TAFA5: variants seen among roughly 807,000 people sequenced by gnomAD.
The protein encoded by TAFA5 is chemokine-like protein TAFA-5.
Under a neutral mutation model 15.3 loss-of-function variants are expected in TAFA5, and 6 were observed. The observed-to-expected ratio is 0.39, with a 90% CI of 0.21 to 0.77. The LOEUF (loss-of-function observed/expected upper bound fraction) is 0.77, where lower values mean the gene tolerates loss of function less well. TAFA5 is among the 30% of genes least tolerant of loss of function. TAFA5 has a pLI of 0.41. For synonymous variants in TAFA5, 103 were observed against 80.7 expected (o/e 1.28, Z -1.48); for missense variants, 161 against 193.1 (o/e 0.83, Z 0.98).
Position 48,708,058 on chromosome 22 carries a change from G to A in TAFA5, c.390+214G>A, listed in dbSNP as rs560856534. 5.9e-5 allele frequency among the ~76,000 whole-genome samples: 9 copies of A among 152,182 alleles called. No individual in the cohort carries two copies. In the South Asian group the frequency reaches 1.7e-3, roughly 28 times the overall value. ...GCAGACGGTCTGTGAGTACATGGGG[G>A]CTGAGAGCTGGATGCAGAACCAGCT... is the stretch of plus-strand genomic sequence containing the variant. On this transcript the variant is annotated intron_variant, in intron 3 of 3. Coordinates refer to ENST00000402357, the MANE Select transcript of TAFA5 (RefSeq NM_001082967.3).
intron 2 of TAFA5, among the ~76,000 whole-genome samples, chr22:48,647,739 A>G (rs1168320644): frequency 1.3e-5 from 2 of 151,950 alleles, no homozygotes; most frequent in Non-Finnish European, 2.9e-5. Context: ...GCCATGTGCC[A>G]GTCCAGGCAG....
At chr22:48,672,030 G>T (rs1247269154) in intron 2 of TAFA5, among the ~76,000 whole-genome samples, 1 of 152,182 alleles carries the variant, frequency 6.6e-6, no homozygotes. Flanking sequence ...AAGGGTGTTT[G>T]TAACACTGCT....
chr22:48,509,796 A>G (rs1421553810), intron 1 of TAFA5, among the ~76,000 whole-genome samples: 1 of 152,076 alleles, frequency 6.6e-6, no homozygotes, highest in East Asian at 1.9e-4. Context: ...CTAAAAGTAC[A>G]AAAAATTAGC....
chr22:48,582,747 A>G (rs565232423), intron 1 of TAFA5, among the ~76,000 whole-genome samples: 1 of 149,942 alleles, frequency 6.7e-6, no homozygotes, highest in African/African-American at 2.5e-5. Context: ...CACACAAAAT[A>G]CAGTACACAC....
chr22:48,617,306 C>T (rs78535806), intron 1 of TAFA5, among the ~76,000 whole-genome samples: 4,216 of 150,928 alleles, frequency 0.028, 88 homozygotes, highest in South Asian at 0.11. Context: ...AGGGGTGTGG[C>T]GGCCTCTGGA....
chr22:48,493,612 A>G (rs1928228370), intron 1 of TAFA5, among the ~76,000 whole-genome samples: 1 of 152,206 alleles, frequency 6.6e-6, no homozygotes, highest in South Asian at 2.1e-4. Flanking sequence ...CTTTTTTTGA[A>G]AAAATTCTCA....
At chr22:48,607,542 G>C (rs1317001185) in intron 1 of TAFA5, among the ~76,000 whole-genome samples, 1 of 133,900 alleles carries the variant, frequency 7.5e-6, no homozygotes, top group African/African-American at 3.0e-5. Flanking sequence ...GTCTGTCCTG[G>C]GTTCTGATTA....
At chr22:48,548,002 G>T (rs1460357292) in intron 1 of TAFA5, among the ~76,000 whole-genome samples, 2 of 152,204 alleles carry the variant, frequency 1.3e-5, no homozygotes, top group Non-Finnish European at 2.9e-5. Context: ...GCCCTGTTGT[G>T]TGATGTGTTC....
chr22:48,578,857 A>AG (rs760913743), intron 1 of TAFA5, among the ~76,000 whole-genome samples: 54 of 150,394 alleles, frequency 3.6e-4, no homozygotes, highest in East Asian at 6.0e-4. Flanking sequence ...TGAGAGGTGC[A>AG]GGGAGGGGGG....
intron 1 of TAFA5, among the ~76,000 whole-genome samples, chr22:48,633,312 G>A (rs1292956049): frequency 2.0e-5 from 3 of 152,254 alleles, no homozygotes; most frequent in Non-Finnish European, 4.4e-5. Context: ...AGACTGGGCA[G>A]GTGGTCGTTG....
intron 1 of TAFA5, among the ~76,000 whole-genome samples, chr22:48,548,158 C>T (rs946763164): frequency 9.2e-5 from 14 of 152,326 alleles, no homozygotes; most frequent in African/African-American, 2.6e-4. Context: ...GATCTGGCCC[C>T]GTGGGGCTTT....
Position 48,530,161 on chromosome 22 carries a change from C to T in TAFA5, c.112+40457C>T, listed in dbSNP as rs1223924104. ...CACCTGCTCTGTCTCCATGGCGACT[C>T]GAGGAGGAGGAGGCTGGGCCTGCAT... is the stretch of plus-strand genomic sequence containing the variant. On this transcript the variant is annotated intron_variant, in intron 1 of 3. Transcript: ENST00000402357. The surrounding 1 kb of genome is among the most constrained non-coding windows in gnomAD (Gnocchi z 6.0). 6.6e-6 allele frequency among the ~76,000 whole-genome samples: 1 copy of T among 152,084 alleles called. No homozygotes were observed. The highest frequency in any genetic ancestry group is 2.4e-5 in the African/African-American group (1 of 41,400).
intron 1 of TAFA5, among the ~76,000 whole-genome samples, chr22:48,574,354 G>A (rs1034799914): frequency 3.3e-5 from 5 of 152,166 alleles, no homozygotes; most frequent in Admixed American, 6.5e-5. Flanking sequence ...TCCCCTGGCC[G>A]GCTGCTGGGC....
At chr22:48,542,792 G>A (rs1922505246) in intron 1 of TAFA5, among the ~76,000 whole-genome samples, 1 of 147,834 alleles carries the variant, frequency 6.8e-6, no homozygotes, top group Admixed American at 6.7e-5. Flanking sequence ...TGTCATGTGT[G>A]GTGTACAGTG....
intron 3 of TAFA5, among the ~76,000 whole-genome samples, chr22:48,710,023 A>T (rs1251110145): frequency 6.6e-6 from 1 of 152,240 alleles, no homozygotes; most frequent in Non-Finnish European, 1.5e-5. Context: ...GGGCACACTC[A>T]CAGTGCTGTG....
chr22:48,707,670 G>C, intron 2 of TAFA5, 47 bp from the exon 3 acceptor site: 3 of 1,599,800 alleles, frequency 1.9e-6, no homozygotes, highest in Non-Finnish European at 2.6e-6. Flanking sequence ...ACACCCTCAC[G>C]ATCCATGAGA....
chr22:48,702,541 TGTGCCCTTTACGCCCC>T (rs367636667), intron 2 of TAFA5, among the ~76,000 whole-genome samples: 2,082 of 152,006 alleles, frequency 0.014, 68 homozygotes, highest in African/African-American at 0.047. Context: ...CATGAGACCC[TGTGCCCTTTACGCCCC>T]GTGCCCTTTA....
At chr22:48,568,551 G>T (rs1923480385) in intron 1 of TAFA5, among the ~76,000 whole-genome samples, 1 of 152,250 alleles carries the variant, frequency 6.6e-6, no homozygotes, top group Non-Finnish European at 1.5e-5. Context: ...ACAAGATATG[G>T]CCTCTTCCAC....
chr22:48,679,629 G>T (rs1459602606), intron 2 of TAFA5, among the ~76,000 whole-genome samples: 1 of 64,702 alleles, frequency 1.5e-5, no homozygotes, highest in Admixed American at 1.7e-4. Context: ...CCCTCTCCCG[G>T]CTCCCCGTCC....
Sources: gnomAD v4.1 joint callset for allele counts (sites outside exome capture counted in the v4.1 genomes callset) on GRCh38, gnomAD v4.1.1 for gene constraint, Gnocchi (gnomAD v3.1) non-coding constraint, MANE v1.5 for transcripts, NCBI Gene and HGNC (gene_info 2026-07-23, HGNC 2026-07-21) for gene names.